Variants in SSH2 observed in about 807,000 individuals in gnomAD.
SSH2 encodes slingshot protein phosphatase 2.
SSH2 carries 37 observed loss-of-function variants against 135.2 expected under a neutral mutation model. The observed-to-expected ratio is 0.27, with a 90% CI of 0.21 to 0.36. The LOEUF is 0.36. SSH2 is among the 10% of genes least tolerant of loss of function. The pLI is 1.00. For missense variants in SSH2, 1,408 were observed against 1,765.3 expected, an observed-to-expected ratio of 0.80 and a Z score of 3.63; for synonymous variants, 628 against 646.2, an observed-to-expected ratio of 0.97 and a Z score of 0.43.
rs11449000 is a variant in SSH2 at position 29,725,347 on chromosome 17, C to CAAA, written c.189-22288_189-22286dup. ...GGGCGACACAGCAAGAATCAGTCTC[C>CAAA]AAAAAAAAAAAAAAAAAAAAAAGCC... On this transcript the variant is annotated intron_variant, in intron 3 of 15. Transcript: ENST00000540801. Among the ~76,000 whole-genome samples the CAAA allele has an allele frequency of 8.5e-3, 447 of 52,410 alleles. 48 individuals are homozygous for CAAA. The highest frequency in any genetic ancestry group is 0.026 in the African/African-American group (295 of 11,498). 34.4% of individuals were successfully genotyped at this position (52,410 alleles called of 152,430 possible). A position where few individuals can be genotyped will look rare whatever the true frequency, so the allele number is the denominator to read the frequency against.
chr17:29,749,177 T>C (rs747223581), intron 3 of SSH2, among the ~76,000 whole-genome samples: 4 of 152,182 alleles, frequency 2.6e-5, no homozygotes, highest in African/African-American at 7.2e-5. Context: ...TTACAACACA[T>C]AAGAAGCCTT....
chr17:29,880,267 G>A (rs1010490217), intron 1 of SSH2, among the ~76,000 whole-genome samples: 5 of 152,076 alleles, frequency 3.3e-5, no homozygotes, highest in Non-Finnish European at 4.4e-5. Context: ...CTACAGGCAC[G>A]TACCACCCAT....
chr17:29,805,612 C>G (rs1282296004), intron 2 of SSH2, among the ~76,000 whole-genome samples: 21 of 152,120 alleles, frequency 1.4e-4, no homozygotes, highest in Admixed American at 1.4e-3. Context: ...TCAGCAAATG[C>G]CACACATGAG....
chr17:29,879,875 G>A (rs546807878), intron 1 of SSH2, among the ~76,000 whole-genome samples: 1 of 151,960 alleles, frequency 6.6e-6, no homozygotes, highest in Non-Finnish European at 1.5e-5. Context: ...ATTTAATGTT[G>A]GGCATACTAA....
chr17:29,715,087 G>T (rs1249609070), intron 3 of SSH2, among the ~76,000 whole-genome samples: 1 of 151,954 alleles, frequency 6.6e-6, no homozygotes, highest in Non-Finnish European at 1.5e-5. Flanking sequence ...GACTGGTCTT[G>T]AACTCCTGAC....
chr17:29,659,208 A>G (rs2036919831), intron 11 of SSH2, among the ~76,000 whole-genome samples: 2 of 152,184 alleles, frequency 1.3e-5, no homozygotes, highest in Admixed American at 1.3e-4. Flanking sequence ...TCTCCTATGA[A>G]TGATATTTCT....
chr17:29,667,258 A>G (rs371955076), intron 9 of SSH2, 35 bp from the exon 10 acceptor site: 8 of 1,270,370 alleles, frequency 6.3e-6, no homozygotes, highest in African/African-American at 1.5e-5. Flanking sequence ...TTCTTAAACG[A>G]TATTCTTAAT....
intron 1 of SSH2, among the ~76,000 whole-genome samples, chr17:29,907,493 T>C (rs2066677240): frequency 6.6e-6 from 1 of 152,206 alleles, no homozygotes; most frequent in South Asian, 2.1e-4. Flanking sequence ...TTCCTGCACA[T>C]GTATCCCTGA....
At chr17:29,676,642 G>T in intron 8 of SSH2, 178 bp downstream of exon 8, 1 of 533,604 alleles carries the variant, frequency 1.9e-6, no homozygotes, top group Non-Finnish European at 3.4e-6. Flanking sequence ...CAATACTCAA[G>T]GCCTTCCAAT....
In SSH2 at chr17:29,636,350, T is replaced by C. The variant is rs753012791; in HGVS notation, c.1880A>G (p.Asp627Gly). Reference protein sequence around the residue: ...PDLTVEDLETDALKADMNVHL... With the variant: ...PDLTVEDLETGALKADMNVHL... The stretch of plus-strand genomic sequence containing the variant: ...GACATTCATGTCTGCTTTCAGTGCA[T>C]CTGTCTCCAAATCTTCCACTGTTAA... The change falls in exon 15 of 16, where the codon GAT becomes GGT. Residue 627 changes from aspartate to glycine, a missense_variant. Asp to Gly is a moderately conservative substitution (Grantham distance 94). Around this residue, in one of 3 missense-constraint regions of SSH2, gnomAD observed 1,080 missense variants for 1,144.5 expected, o/e 0.94. Coordinates refer to ENST00000540801, the MANE Select transcript of SSH2 (RefSeq NM_001282129.2). 7.4e-6 allele frequency: 12 copies of C among 1,614,118 alleles called. No individual in the cohort carries two copies. The South Asian group carries it at 1.2e-4, about 16-fold the overall frequency.
At chr17:29,838,581 C>T (rs1481164353) in intron 2 of SSH2, among the ~76,000 whole-genome samples, 1 of 152,192 alleles carries the variant, frequency 6.6e-6, no homozygotes, top group Non-Finnish European at 1.5e-5. Flanking sequence ...CCATGAAAAG[C>T]CCCGGACTCA....
At chr17:29,868,568 T>C (rs2065891471) in intron 1 of SSH2, among the ~76,000 whole-genome samples, 1 of 151,938 alleles carries the variant, frequency 6.6e-6, no homozygotes. Context: ...TGAAACCCCA[T>C]CTCTACTAAA....
intron 3 of SSH2, among the ~76,000 whole-genome samples, chr17:29,733,305 G>C (rs779842822): frequency 2.0e-5 from 3 of 152,234 alleles, no homozygotes; most frequent in African/African-American, 2.4e-5. Flanking sequence ...AGGAAGCTAA[G>C]AAAACCCCAC....
At chr17:29,738,191 C>T (rs2040434292) in intron 3 of SSH2, among the ~76,000 whole-genome samples, 1 of 152,134 alleles carries the variant, frequency 6.6e-6, no homozygotes, top group African/African-American at 2.4e-5. Context: ...GGTTTTCTGT[C>T]CTTGTGATAG....
At chr17:29,894,549 T>A (rs142945707) in intron 1 of SSH2, among the ~76,000 whole-genome samples, 1 of 152,274 alleles carries the variant, frequency 6.6e-6, no homozygotes, top group African/African-American at 2.4e-5. Flanking sequence ...GCTGTTATAC[T>A]ATTTTTTAAT....
At position 29,850,750 on chromosome 17, in the gene SSH2, C is replaced by T. The variant is rs901504617; in HGVS notation, c.64-1821G>A. ...CCTATAATCCCAGCACTTTGGGAGG[C>T]CGAGGCGGGTGGATCACGAGGTCAG... On this transcript the variant is annotated intron_variant, in intron 1 of 15. Coordinates refer to ENST00000540801, the MANE Select transcript of SSH2 (RefSeq NM_001282129.2). Among the ~76,000 whole-genome samples, 15 of 152,276 alleles carry T rather than the reference C, an allele frequency of 9.9e-5. 1 individual carries two copies. In the South Asian group the frequency reaches 2.7e-3, roughly 27 times the overall value.
intron 3 of SSH2, among the ~76,000 whole-genome samples, chr17:29,771,877 C>A (rs1256746479): frequency 6.6e-6 from 1 of 152,176 alleles, no homozygotes; most frequent in African/African-American, 2.4e-5. Flanking sequence ...CTATGTCTTT[C>A]TTCTCTGAAA....
chr17:29,669,599 A>T (rs1013823245), intron 9 of SSH2, among the ~76,000 whole-genome samples: 1 of 152,182 alleles, frequency 6.6e-6, no homozygotes, highest in African/African-American at 2.4e-5. Context: ...ATATAAAGTA[A>T]ATAAAAACCA....
intron 12 of SSH2, among the ~76,000 whole-genome samples, chr17:29,654,837 A>G (rs2151008557): frequency 6.6e-6 from 1 of 152,324 alleles, no homozygotes; most frequent in Non-Finnish European, 1.5e-5. Flanking sequence ...GTCTTTAAGC[A>G]GCTTACTACA....
Sources: gnomAD v4.1 joint callset for allele counts (sites outside exome capture counted in the v4.1 genomes callset) on GRCh38, gnomAD v4.1.1 for gene constraint, gnomAD v4.1.1 regional missense constraint, MANE v1.5 for transcripts, NCBI Gene and HGNC (gene_info 2026-07-23, HGNC 2026-07-21) for gene names.